EPHA6: variants seen among roughly 807,000 people sequenced by gnomAD.
EPHA6 encodes the protein EPH receptor A6, also known as ephrin type-A receptor 6.
In EPHA6, 50 loss-of-function variants were observed where a neutral mutation model predicts 112.0. The ratio of observed to expected loss-of-function variants is 0.45; its 90% confidence interval spans 0.36 to 0.56. The LOEUF (loss-of-function observed/expected upper bound fraction) is 0.56. Ranked by LOEUF, EPHA6 falls within the 20% of genes least tolerant of loss-of-function variation. EPHA6 has a pLI of 0.00. For synonymous variants in EPHA6, 529 were observed against 490.7 expected, an observed-to-expected ratio of 1.08 and a Z score of -1.03; for missense variants, 1,280 against 1,417.4, an observed-to-expected ratio of 0.90 and a Z score of 1.56.
chr3:96,815,072 A>C, intron 1 of EPHA6, 64 bp downstream of exon 1: 1 of 1,412,992 alleles, frequency 7.1e-7, no homozygotes, highest in South Asian at 1.5e-5. Context: ...GAACCAGGGT[A>C]CTGGTTGCCT....
intron 5 of EPHA6, among the ~76,000 whole-genome samples, chr3:97,394,371 T>C (rs2086585726): frequency 6.6e-6 from 1 of 151,766 alleles, no homozygotes; most frequent in Non-Finnish European, 1.5e-5. Context: ...GAAAGGAATT[T>C]TTGGATAACA....
chr3:96,889,343 G>C (rs971146170), intron 2 of EPHA6, among the ~76,000 whole-genome samples: 2 of 152,172 alleles, frequency 1.3e-5, no homozygotes, highest in African/African-American at 4.8e-5. Context: ...TACTGTATTA[G>C]TGCATTTTCC....
intron 5 of EPHA6, among the ~76,000 whole-genome samples, chr3:97,329,845 G>A (rs889015341): frequency 6.6e-6 from 1 of 151,780 alleles, no homozygotes; most frequent in African/African-American, 2.4e-5. Context: ...GTCAATTTTG[G>A]CTTTTGTTGC....
At chr3:97,627,328 G>A (rs2093866298) in intron 13 of EPHA6, among the ~76,000 whole-genome samples, 1 of 151,798 alleles carries the variant, frequency 6.6e-6, no homozygotes. Flanking sequence ...TTATTGCTGT[G>A]GAGAAAAATA....
At chr3:96,828,902 A>G (rs1020380914) in intron 1 of EPHA6, among the ~76,000 whole-genome samples, 1 of 152,172 alleles carries the variant, frequency 6.6e-6, no homozygotes. Flanking sequence ...GTTACTGACA[A>G]ATGAATTTCC....
chr3:97,400,437 C>T (rs138365656), intron 5 of EPHA6, among the ~76,000 whole-genome samples: 5 of 151,328 alleles, frequency 3.3e-5, no homozygotes, highest in African/African-American at 9.7e-5. Flanking sequence ...ACTGCTTCAG[C>T]GATTTGTTTT....
chr3:96,839,256 C>T (rs968079204), intron 1 of EPHA6, among the ~76,000 whole-genome samples: 16 of 152,088 alleles, frequency 1.1e-4, no homozygotes, highest in African/African-American at 3.9e-4. Context: ...GCATTACCGC[C>T]TAGTGTCACC....
At chr3:97,070,365 A>G (rs1287979923) in intron 3 of EPHA6, among the ~76,000 whole-genome samples, 1 of 152,090 alleles carries the variant, frequency 6.6e-6, no homozygotes, top group Non-Finnish European at 1.5e-5. Flanking sequence ...GAAATTATAA[A>G]AATATTTGTT....
At position 97,758,060 on chromosome 3, in the gene EPHA6, A is replaced by G. The variant is rs1576410690; in HGVS notation, c.*9359A>G. 6.6e-6 allele frequency among the ~76,000 whole-genome samples: 1 copy of G among 151,982 alleles called. No individual in the cohort carries two copies. Among genetic ancestry groups the G allele is most frequent in the African/African-American group, 2.4e-5 (1 of 41,454 alleles). On this transcript the variant is annotated 3_prime_UTR_variant, in exon 18 of 18. Coordinates refer to ENST00000389672, the MANE Select transcript of EPHA6 (RefSeq NM_001080448.3). ...TTCTCCACTGGATGTTATAAATTCA[A>G]AAAAAGAACATATATTTTTTATAGT...
At chr3:97,612,150 G>T (rs2093725547) in intron 13 of EPHA6, among the ~76,000 whole-genome samples, 1 of 152,002 alleles carries the variant, frequency 6.6e-6, no homozygotes, top group Non-Finnish European at 1.5e-5. Context: ...TTTATAGCTT[G>T]TGTTCATTTA....
chr3:96,943,132 A>G (rs2041067397), intron 2 of EPHA6, among the ~76,000 whole-genome samples: 3 of 152,160 alleles, frequency 2.0e-5, no homozygotes. Flanking sequence ...CACGTCCTCC[A>G]GGTTCATCCG....
chr3:97,119,649 GAATGAAGA>G (rs2047988260), intron 3 of EPHA6, among the ~76,000 whole-genome samples: 2 of 152,012 alleles, frequency 1.3e-5, no homozygotes, highest in Admixed American at 1.3e-4. Flanking sequence ...TGATTACTAT[GAATGAAGA>G]AATGGAAGTA....
At chr3:97,283,062 CA>C (rs1370201497) in intron 5 of EPHA6, among the ~76,000 whole-genome samples, 9 of 152,092 alleles carry the variant, frequency 5.9e-5, no homozygotes, top group Non-Finnish European at 8.8e-5. Flanking sequence ...ATTATATAAA[CA>C]AAGAATAGTA....
intron 10 of EPHA6, among the ~76,000 whole-genome samples, chr3:97,486,292 T>C (rs188169418): frequency 1.3e-5 from 2 of 152,346 alleles, no homozygotes; most frequent in Admixed American, 1.3e-4. Context: ...AGGGTCCTTT[T>C]ACTGTCCATA....
chr3:97,484,047 G>A lies in EPHA6; in HGVS notation c.2188G>A (p.Val730Ile), dbSNP rs1165920461. Reference sequence around the variant, plus strand: ...TCCCTCAAGAATTCGTATTGAGAGAGTCATTGGGGCAGGTAAATGTCAAAT... The same window carrying A: ...TCCCTCAAGAATTCGTATTGAGAGAATCATTGGGGCAGGTAAATGTCAAAT... Reference protein sequence around the residue: ...IDPSRIRIERVIGAGEFGEVC... With the variant: ...IDPSRIRIERIIGAGEFGEVC... The change falls in exon 10 of 18, where the codon GTC (valine) becomes ATC (isoleucine). Residue 730 changes from valine (V) to isoleucine (I), a missense_variant. By Grantham distance (29) the Val-to-Ile change is conservative (BLOSUM62 3). Coordinates refer to ENST00000389672, the MANE Select transcript of EPHA6 (RefSeq NM_001080448.3). 6.2e-7 allele frequency: 1 copy of A among 1,601,464 alleles called. No homozygotes were observed. The highest frequency in any genetic ancestry group is 1.7e-5 in the Admixed American group (1 of 58,016).
chr3:97,044,332 A>G (rs1372306703), intron 3 of EPHA6, among the ~76,000 whole-genome samples: 1 of 152,196 alleles, frequency 6.6e-6, no homozygotes, highest in African/African-American at 2.4e-5. Context: ...TTAACTTTTG[A>G]CTAATCAACC....
intron 11 of EPHA6, among the ~76,000 whole-genome samples, chr3:97,553,024 A>G (rs1322563816): frequency 6.6e-6 from 1 of 152,088 alleles, no homozygotes; most frequent in Non-Finnish European, 1.5e-5. Flanking sequence ...AAATGCAACT[A>G]CCTCATAATT....
chr3:97,373,207 G>C (rs940963811), intron 5 of EPHA6, among the ~76,000 whole-genome samples: 1 of 152,084 alleles, frequency 6.6e-6, no homozygotes, highest in African/African-American at 2.4e-5. Flanking sequence ...TCCTAAAAAT[G>C]TATGTTTTAT....
intron 16 of EPHA6, among the ~76,000 whole-genome samples, chr3:97,737,240 C>T (rs778689061): frequency 2.6e-5 from 4 of 152,002 alleles, no homozygotes; most frequent in Non-Finnish European, 5.9e-5. Flanking sequence ...GGATTTTAAG[C>T]AAGGGAACAG....
Sources: gnomAD v4.1 joint callset for allele counts (sites outside exome capture counted in the v4.1 genomes callset) on GRCh38, gnomAD v4.1.1 for gene constraint, MANE v1.5 for transcripts, NCBI Gene and HGNC (gene_info 2026-07-23, HGNC 2026-07-21) for gene names.